MAMLD1: variants seen among roughly 807,000 people sequenced by gnomAD.
MAMLD1 encodes mastermind-like domain-containing protein 1.
MAMLD1 carries 14 observed loss-of-function variants against 45.0 expected under a neutral mutation model. The ratio of observed to expected loss-of-function variants is 0.31; its 90% CI spans 0.21 to 0.49. The LOEUF is 0.49. Ranked by LOEUF, MAMLD1 falls within the 20% of genes least tolerant of loss-of-function variation. The pLI is 0.99. For missense variants in MAMLD1, 543 were observed against 603.6 expected (o/e 0.90, Z 1.05); for synonymous variants, 254 against 247.8 (o/e 1.02, Z -0.24).
At chrX:150,391,342 CTCT>C (rs200941995) in intron 1 of MAMLD1, among the ~76,000 whole-genome samples, 2,070 of 110,944 alleles carry the variant, frequency 0.019, 45 homozygotes, top group African/African-American at 0.064. Flanking sequence ...CCTGAGCCCC[CTCT>C]TCTTCTTCTT....
chrX:150,368,832 T>G (rs781803250), intron 1 of MAMLD1, among the ~76,000 whole-genome samples: 6 of 112,545 alleles, frequency 5.3e-5, no homozygotes, highest in Admixed American at 3.7e-4. Flanking sequence ...CTTTCCCCAT[T>G]TCTTGTTTTT....
intron 1 of MAMLD1, among the ~76,000 whole-genome samples, chrX:150,432,012 A>C (rs1557404075): frequency 3.6e-5 from 4 of 111,183 alleles, no homozygotes; most frequent in African/African-American, 9.8e-5. Flanking sequence ...TTTGTTCTGT[A>C]GATGTCTATT....
At chrX:150,504,121 A>G (rs2037652401) in intron 6 of MAMLD1, 17 of 753,328 alleles carry the variant, frequency 2.3e-5, no homozygotes, top group Non-Finnish European at 2.7e-5. Flanking sequence ...AGCTTGTCCA[A>G]GAGGCCTGTG....
chrX:150,398,335 GAAGAAGA>G lies in MAMLD1; in HGVS notation c.-64+34806_-64+34812del, dbSNP rs781888224. 3.5e-3 allele frequency among the ~76,000 whole-genome samples: 268 copies of G among 76,700 alleles called. 1 individual carries two copies. The highest frequency in any genetic ancestry group is 0.017 in the Middle Eastern group (3 of 178). The allele number at this position is 76,700 out of a possible 115,157, so 66.6% of individuals were successfully genotyped here. ...AGAAGAAGAAGAAGAAGAAGAAGAA[GAAGAAGA>G]GGAAGAGGAAGAGGAAGAGGAAGAG... On this transcript the variant is annotated intron_variant, in intron 1 of 7. Transcript: ENST00000370401.
intron 5 of MAMLD1, among the ~76,000 whole-genome samples, chrX:150,475,134 C>A (rs1326967168): frequency 1.8e-5 from 2 of 111,422 alleles, no homozygotes; most frequent in African/African-American, 6.5e-5. Context: ...TAGCCTGTTA[C>A]ATTTGCCGTG....
intron 1 of MAMLD1, among the ~76,000 whole-genome samples, chrX:150,386,927 G>C (rs1287599158): frequency 1.8e-5 from 2 of 109,916 alleles, no homozygotes; most frequent in Non-Finnish European, 3.8e-5. Context: ...GGATAACAAA[G>C]GATCTCCAAA....
intron 2 of MAMLD1, among the ~76,000 whole-genome samples, chrX:150,448,202 C>T (rs1165857803): frequency 8.9e-6 from 1 of 111,774 alleles, no homozygotes; most frequent in Non-Finnish European, 1.9e-5. Context: ...CCTTTGCCCT[C>T]CCTGAGAACA....
At chrX:150,454,789 C>T (rs782695162) in intron 2 of MAMLD1, among the ~76,000 whole-genome samples, 14 of 110,785 alleles carry the variant, frequency 1.3e-4, no homozygotes, top group African/African-American at 3.9e-4. Context: ...TTCACTACCA[C>T]CACCCTTTAA....
At position 150,503,542 on chromosome X, in the gene MAMLD1, G is replaced by A. The variant is rs782543063; in HGVS notation, c.2284+25G>A. The stretch of plus-strand genomic sequence containing the variant: ...GGTAAGTCACTTCCCCCTGAGCCTC[G>A]CTTTCCTCATCTGTCAACGGGGCAC... On this transcript the variant is annotated intron_variant, in intron 6 of 7. Transcript: ENST00000370401. The A allele has an allele frequency of 5.9e-5, 55 of 929,932 alleles. No homozygotes were observed. The East Asian group carries it at 1.5e-3, about 26-fold the overall frequency. The allele number at this position is 929,932 out of a possible 1,213,427, so 76.6% of individuals were successfully genotyped here.
intron 5 of MAMLD1, among the ~76,000 whole-genome samples, chrX:150,490,580 T>A (rs1557407905): frequency 8.9e-6 from 1 of 112,143 alleles, no homozygotes; most frequent in African/African-American, 3.2e-5. Flanking sequence ...TTCCTAATTA[T>A]TCTACAAGGA....
chrX:150,503,139 T>TA (rs2037614987), intron 5 of MAMLD1, 135 bp from the exon 6 acceptor site: 1 of 582,058 alleles, frequency 1.7e-6, no homozygotes, highest in Admixed American at 2.3e-5. Context: ...CTGTTTGGTT[T>TA]CGTTCCACCA....
At chrX:150,420,701 T>A (rs1236582051) in intron 1 of MAMLD1, among the ~76,000 whole-genome samples, 1 of 112,594 alleles carries the variant, frequency 8.9e-6, no homozygotes, top group East Asian at 2.8e-4. Flanking sequence ...CCCTGCCATG[T>A]GAGGTGTCAG....
chrX:150,363,567 C>G (rs2031140938), intron 1 of MAMLD1, 37 bp downstream of exon 1: 1 of 111,343 alleles, frequency 9.0e-6, no homozygotes. Context: ...TCTGACTGTT[C>G]TGGGGGTTCC....
intron 5 of MAMLD1, among the ~76,000 whole-genome samples, chrX:150,479,026 C>T (rs370783983): frequency 3.9e-4 from 43 of 111,618 alleles, no homozygotes; most frequent in African/African-American, 1.3e-3. Context: ...TTGGGAAACA[C>T]AGGCTTAGAA....
rs377084992 is a variant in MAMLD1 at position 150,470,700 on chromosome X, C to T, written c.1127C>T (p.Ser376Leu). The change falls in exon 4 of 8, where the codon TCG becomes TTG. Residue 376 changes from serine to leucine, a missense_variant. Ser to Leu is a moderately radical substitution (Grantham distance 145). Transcript: ENST00000370401. ...MVSCMSSNTL[S>L]GSTLRGSPNA... ...TCCTGCATGTCGTCCAATACCTTGTCGGGTAGCACTCTCCGAGGCTCTCCC... is the reference window on the plus strand; with the variant it reads ...TCCTGCATGTCGTCCAATACCTTGTTGGGTAGCACTCTCCGAGGCTCTCCC... 33 of 1,210,250 alleles carry T rather than the reference C, an allele frequency of 2.7e-5. No homozygotes were observed. The highest frequency in any genetic ancestry group is 1.7e-4 in the Admixed American group (8 of 45,899).
intron 1 of MAMLD1, among the ~76,000 whole-genome samples, chrX:150,389,580 G>A (rs1048206601): frequency 8.9e-6 from 1 of 112,059 alleles, no homozygotes; most frequent in African/African-American, 3.2e-5. Flanking sequence ...TATGTTCTAT[G>A]AACACTTGAA....
chrX:150,388,748 T>G (rs781823679), intron 1 of MAMLD1, among the ~76,000 whole-genome samples: 1 of 110,858 alleles, frequency 9.0e-6, no homozygotes, highest in East Asian at 2.9e-4. Flanking sequence ...TCAATTGTAT[T>G]GACCTTTTAA....
chrX:150,506,344 C>G (rs1272325528), intron 6 of MAMLD1, among the ~76,000 whole-genome samples: 5 of 105,711 alleles, frequency 4.7e-5, no homozygotes, highest in Admixed American at 3.0e-4. Context: ...CCCCTTCCTC[C>G]TCCTCCTCTT....
At chrX:150,477,019 C>T (rs1240196470) in intron 5 of MAMLD1, among the ~76,000 whole-genome samples, 1 of 113,070 alleles carries the variant, frequency 8.8e-6, no homozygotes, top group Non-Finnish European at 1.9e-5. Context: ...GCACCCAGGG[C>T]CTGAAGATAG....
Sources: allele counts gnomAD v4.1 joint callset (sites outside exome capture counted in the v4.1 genomes callset), GRCh38; gene constraint gnomAD v4.1.1; transcripts MANE v1.5; gene names NCBI Gene and HGNC (gene_info 2026-07-23, HGNC 2026-07-21).